The following ZFAND3 variants were observed in gnomAD, a reference collection of about 807,000 sequenced individuals.
ZFAND3 encodes the protein zinc finger AN1-type containing 3, also known as AN1-type zinc finger protein 3.
ZFAND3 carries 10 observed loss-of-function variants against 29.6 expected under a neutral mutation model. The ratio of observed to expected loss-of-function variants is 0.34; its 90% CI spans 0.21 to 0.57. The LOEUF (loss-of-function observed/expected upper bound fraction) is 0.57, where lower values mean the gene tolerates loss of function less well. Among genes scored for constraint, ZFAND3 ranks in the 20% least tolerant of loss-of-function variants. The pLI, the probability that ZFAND3 is intolerant of heterozygous loss-of-function variation, is 0.86. For synonymous variants in ZFAND3, 128 were observed against 112.6 expected (o/e 1.14, Z -0.87); for missense variants, 230 against 304.5 (o/e 0.76, Z 1.82).
chr6:37,904,399 A>G (rs903441450), intron 1 of ZFAND3, among the ~76,000 whole-genome samples: 1 of 152,166 alleles, frequency 6.6e-6, no homozygotes, highest in Non-Finnish European at 1.5e-5. Context: ...TCACCATTCC[A>G]ATCACAGTGC....
At chr6:37,854,279 T>G (rs1303254365) in intron 1 of ZFAND3, among the ~76,000 whole-genome samples, 1 of 152,186 alleles carries the variant, frequency 6.6e-6, no homozygotes, top group Non-Finnish European at 1.5e-5. Context: ...ACTAACCCAC[T>G]CTAGGTCTAC....
At chr6:37,856,420 A>G (rs1009904839) in intron 1 of ZFAND3, among the ~76,000 whole-genome samples, 2 of 152,148 alleles carry the variant, frequency 1.3e-5, no homozygotes, top group African/African-American at 4.8e-5. Flanking sequence ...TAGCAGTGCT[A>G]GTTACTTGTT....
At chr6:37,927,732 T>A (rs79338465) in intron 1 of ZFAND3, among the ~76,000 whole-genome samples, 1 of 152,348 alleles carries the variant, frequency 6.6e-6, no homozygotes, top group African/African-American at 2.4e-5. Context: ...AGCTTTACTT[T>A]CTCAGGGAAC....
chr6:38,109,392 C>G (rs1226838051), intron 4 of ZFAND3, among the ~76,000 whole-genome samples: 1 of 152,020 alleles, frequency 6.6e-6, no homozygotes, highest in Admixed American at 6.6e-5. Context: ...GTTGGTTGGC[C>G]AGGATGGTCT....
intron 2 of ZFAND3, among the ~76,000 whole-genome samples, chr6:37,974,655 C>G (rs940119187): frequency 5.9e-5 from 9 of 152,146 alleles, no homozygotes; most frequent in African/African-American, 2.2e-4. Flanking sequence ...CTTGGTCTCC[C>G]AAAGTGCTGG....
chr6:38,057,060 G>C (rs199525715), intron 2 of ZFAND3, among the ~76,000 whole-genome samples: 3 of 152,050 alleles, frequency 2.0e-5, no homozygotes, highest in Non-Finnish European at 2.9e-5. Context: ...TTATTCCTAA[G>C]TTTTTTTCTC....
intron 2 of ZFAND3, among the ~76,000 whole-genome samples, chr6:38,051,961 A>G (rs1369382831): frequency 6.6e-6 from 1 of 152,250 alleles, no homozygotes; most frequent in African/African-American, 2.4e-5. Context: ...AATGCTGTAT[A>G]GGAAACAAGC....
chr6:37,869,182 A>G (rs1764645780), intron 1 of ZFAND3, among the ~76,000 whole-genome samples: 1 of 152,114 alleles, frequency 6.6e-6, no homozygotes, highest in Non-Finnish European at 1.5e-5. Context: ...ATTTTTTGAG[A>G]TGGAGTCTCG....
intron 2 of ZFAND3, among the ~76,000 whole-genome samples, chr6:38,059,946 G>A (rs9470758): frequency 0.098 from 14,893 of 152,200 alleles, 1,168 homozygotes; most frequent in East Asian, 0.38. Context: ...TAATTATTTT[G>A]TGTGAGCGTT....
chr6:37,992,584 C>T (rs1449091812), intron 2 of ZFAND3, among the ~76,000 whole-genome samples: 1 of 152,100 alleles, frequency 6.6e-6, no homozygotes, highest in African/African-American at 2.4e-5. Flanking sequence ...AATTCTTCAG[C>T]TTATTCTCCC....
chr6:38,082,204 G>A (rs1764677245), intron 3 of ZFAND3, among the ~76,000 whole-genome samples, 188 bp from the exon 4 acceptor site: 1 of 150,860 alleles, frequency 6.6e-6, no homozygotes, highest in South Asian at 2.1e-4. Context: ...CATCTCTGTA[G>A]ACTAAATTGC....
intron 1 of ZFAND3, among the ~76,000 whole-genome samples, chr6:37,898,957 G>A (rs552325917): frequency 6.6e-6 from 1 of 152,116 alleles, no homozygotes; most frequent in East Asian, 1.9e-4. Context: ...GTTTAGTGGC[G>A]CGATCTCGGC....
chr6:38,054,113 G>C (rs1293285745), intron 2 of ZFAND3, among the ~76,000 whole-genome samples: 1 of 151,290 alleles, frequency 6.6e-6, no homozygotes, highest in Admixed American at 6.6e-5. Flanking sequence ...GAGCATGGTG[G>C]CTTACACCTG....
Position 38,006,786 on chromosome 6 carries a change from C to T in ZFAND3, c.113-54807C>T, listed in dbSNP as rs185057004. ...GCTTTAGGAATTGCCTCATATCGTG[C>T]GTCTAAATATTGCACCCCTGCCCCT... On this transcript the variant is annotated intron_variant, in intron 2 of 5. Coordinates refer to ENST00000287218, the MANE Select transcript of ZFAND3 (RefSeq NM_021943.3). Among the ~76,000 whole-genome samples, 127 of 151,246 alleles carry T rather than the reference C, an allele frequency of 8.4e-4. 1 individual carries two copies. Among genetic ancestry groups the T allele is most frequent in the Non-Finnish European group, 1.5e-3 (101 of 67,928 alleles).
chr6:37,902,607 G>C (rs1246691969), intron 1 of ZFAND3, among the ~76,000 whole-genome samples: 2 of 152,040 alleles, frequency 1.3e-5, no homozygotes, highest in African/African-American at 2.4e-5. Context: ...CTTGTCTGTT[G>C]CTTCCACATC....
At chr6:38,004,462 C>G (rs559860153) in intron 2 of ZFAND3, among the ~76,000 whole-genome samples, 2 of 148,272 alleles carry the variant, frequency 1.3e-5, no homozygotes, top group African/African-American at 2.5e-5. Context: ...CTTCCCCTCT[C>G]CCCCTCTCCA....
At chr6:38,001,728 C>A (rs1762951491) in intron 2 of ZFAND3, among the ~76,000 whole-genome samples, 1 of 151,982 alleles carries the variant, frequency 6.6e-6, no homozygotes, top group Admixed American at 6.6e-5. Flanking sequence ...GCTTGGAAAA[C>A]CTCTTTCAGA....
intron 2 of ZFAND3, among the ~76,000 whole-genome samples, chr6:37,952,624 C>T (rs1371613734): frequency 6.6e-6 from 1 of 152,070 alleles, no homozygotes; most frequent in Non-Finnish European, 1.5e-5. Context: ...TGCCACTTCT[C>T]CATACAGCTC....
At chr6:38,051,234 G>A (rs919545065) in intron 2 of ZFAND3, among the ~76,000 whole-genome samples, 1 of 152,042 alleles carries the variant, frequency 6.6e-6, no homozygotes, top group Non-Finnish European at 1.5e-5. Context: ...TTATTTTTTT[G>A]TCTTTTCTCC....
Sources: gnomAD v4.1 joint callset for allele counts (sites outside exome capture counted in the v4.1 genomes callset) on GRCh38, gnomAD v4.1.1 for gene constraint, MANE v1.5 for transcripts, NCBI Gene and HGNC (gene_info 2026-07-23, HGNC 2026-07-21) for gene names.